The following ARL6 variants were observed in gnomAD, a reference collection of about 807,000 sequenced individuals.
ARL6 encodes the protein ARF like GTPase 6.
A neutral mutation model predicts 27.1 loss-of-function variants in ARL6; 18 were observed. The observed-to-expected ratio is 0.66, with a 90% CI of 0.46 to 0.98. ARL6 has a LOEUF of 0.98. Among genes scored for constraint, ARL6 ranks in the 50% least tolerant of loss-of-function variants. The probability of loss-of-function intolerance (pLI) is 0.00; values close to 1 mark genes in which losing one functional copy is unlikely to be tolerated. For missense variants in ARL6, 187 were observed against 214.9 expected (o/e 0.87, Z 0.81); for synonymous variants, 65 against 72.3 (o/e 0.90, Z 0.51).
chr3:97,770,631 TGTTTTCTCCTA>T (rs2036592093), intron 2 of ARL6, among the ~76,000 whole-genome samples: 1 of 152,110 alleles, frequency 6.6e-6, no homozygotes, highest in African/African-American at 2.4e-5. Flanking sequence ...ATTTTCCCTG[TGTTTTCTCCTA>T]GTACTTTGAT....
At chr3:97,768,810 C>G (rs2107981520) in intron 2 of ARL6, among the ~76,000 whole-genome samples, 1 of 152,134 alleles carries the variant, frequency 6.6e-6, no homozygotes, top group African/African-American at 2.4e-5. Flanking sequence ...CCTGCCTTAT[C>G]AGAAAAACTG....
intron 1 of ARL6, among the ~76,000 whole-genome samples, chr3:97,767,829 G>A (rs2036455950): frequency 6.6e-6 from 1 of 152,132 alleles, no homozygotes; most frequent in Non-Finnish European, 1.5e-5. Context: ...ATAAATTACA[G>A]AGAGAAATGT....
intron 7 of ARL6, among the ~76,000 whole-genome samples, chr3:97,797,099 T>C (rs1453852213): frequency 6.6e-6 from 1 of 152,100 alleles, no homozygotes; most frequent in Non-Finnish European, 1.5e-5. Context: ...AGGATATTAA[T>C]GGAGACCCTA....
intron 5 of ARL6, among the ~76,000 whole-genome samples, chr3:97,785,456 G>A (rs938088653): frequency 2.1e-5 from 3 of 139,888 alleles, no homozygotes; most frequent in African/African-American, 2.5e-5. Context: ...GTTTGTGTGT[G>A]TTTAATTACA....
At chr3:97,790,063 G>A (rs1181887771) in intron 6 of ARL6, among the ~76,000 whole-genome samples, 1 of 151,192 alleles carries the variant, frequency 6.6e-6, no homozygotes, top group Non-Finnish European at 1.5e-5. Context: ...GTGTGTGTGT[G>A]TGTGTGTGTG....
At chr3:97,766,803 A>G in intron 1 of ARL6, 1 of 152,216 alleles carries the variant, frequency 6.6e-6, no homozygotes, top group East Asian at 1.9e-4. Flanking sequence ...TAATGAGAAT[A>G]AAAACATTAG....
intron 6 of ARL6, chr3:97,791,470 G>A (rs1175992600): frequency 5.5e-6 from 2 of 360,456 alleles, no homozygotes; most frequent in African/African-American, 2.1e-5. Context: ...ATAGTGGGCT[G>A]TACAAAACTT....
At chr3:97,766,029 AT>A (rs1408684661) in intron 1 of ARL6, 1 of 152,210 alleles carries the variant, frequency 6.6e-6, no homozygotes, top group Non-Finnish European at 1.5e-5. Flanking sequence ...GTCCCAAAAT[AT>A]TTCATTAACA....
intron 4 of ARL6, among the ~76,000 whole-genome samples, chr3:97,780,999 G>A (rs1261526898): frequency 6.6e-6 from 1 of 151,968 alleles, no homozygotes; most frequent in Non-Finnish European, 1.5e-5. Context: ...AAGTTTCACT[G>A]TTCTGCCCAG....
intron 4 of ARL6, among the ~76,000 whole-genome samples, chr3:97,784,729 ATTTAC>A (rs1442335755): frequency 1.3e-5 from 2 of 151,880 alleles, no homozygotes; most frequent in Admixed American, 6.6e-5. Context: ...AAGTCATTAA[ATTTAC>A]TTTATTATCC....
intron 2 of ARL6, among the ~76,000 whole-genome samples, chr3:97,773,243 T>A (rs370621355): frequency 6.6e-6 from 1 of 152,208 alleles, no homozygotes; most frequent in Non-Finnish European, 1.5e-5. Context: ...AGACGTAGGC[T>A]GGGAGGCTAA....
At chr3:97,772,446 TA>T (rs2036681386) in intron 2 of ARL6, among the ~76,000 whole-genome samples, 1 of 152,030 alleles carries the variant, frequency 6.6e-6, no homozygotes, top group African/African-American at 2.4e-5. Flanking sequence ...CTCAATTTTA[TA>T]ATTTCAAAAA....
rs182630700 is a variant in ARL6 at position 97,764,925 on chromosome 3, C to G, written c.-80C>G. On this transcript the variant is annotated 5_prime_UTR_variant, in exon 1 of 8. Coordinates refer to ENST00000463745, the MANE Select transcript of ARL6 (RefSeq NM_001278293.3). ...TCCATCCCGGAGACCGATACGAGTG[C>G]GTCCATTCCTGTTGCCAGCTCCTGC... The G allele has an allele frequency of 7.2e-4, 109 of 152,294 alleles. No homozygotes were observed. The highest frequency in any genetic ancestry group is 2.4e-3 in the African/African-American group (101 of 41,560). The allele number at this position is 152,294 out of a possible 1,614,324, so 9.4% of individuals were successfully genotyped here.
chr3:97,779,036 T>C (rs2108026311), intron 2 of ARL6, among the ~76,000 whole-genome samples: 1 of 152,334 alleles, frequency 6.6e-6, no homozygotes. Context: ...CTAGGAGGCA[T>C]TTAACAAGTT....
At chr3:97,782,419 G>C (rs913592081) in intron 4 of ARL6, among the ~76,000 whole-genome samples, 4 of 151,816 alleles carry the variant, frequency 2.6e-5, no homozygotes, top group African/African-American at 9.7e-5. Flanking sequence ...TTACATTGTA[G>C]ATTGAATGGA....
At chr3:97,794,205 GTGTGTGTGTGTGTT>G (rs1340877209) in intron 7 of ARL6, among the ~76,000 whole-genome samples, 1,988 of 151,518 alleles carry the variant, frequency 0.013, 43 homozygotes, top group African/African-American at 0.046. Context: ...GTGTGTGTGT[GTGTGTGTGTGTGTT>G]TTTGAGATGG....
chr3:97,791,974 C>G (rs535192456), intron 7 of ARL6, 148 bp downstream of exon 7: 3 of 679,308 alleles, frequency 4.4e-6, no homozygotes, highest in Admixed American at 2.6e-5. Flanking sequence ...CAGTAAGTAT[C>G]CAATACCTTG....
Position 97,800,481 on chromosome 3 carries a change from GTTAAATAT to G in ARL6, c.*2443_*2450del, listed in dbSNP as rs1246717639. 4 of 152,028 alleles carry G rather than the reference GTTAAATAT, an allele frequency of 2.6e-5. No homozygotes were observed. The highest frequency in any genetic ancestry group is 9.7e-5 in the African/African-American group (4 of 41,390). 9.4% of individuals were successfully genotyped at this position (152,028 alleles called of 1,614,324 possible). ...ATGTTTGAAACTTATCCTCTTGTATGTTAAATATTTAAATATTTGTATATGGCCCTATT... is the reference window on the plus strand; with the variant it reads ...ATGTTTGAAACTTATCCTCTTGTATGTTAAATATTTGTATATGGCCCTATT... On this transcript the variant is annotated 3_prime_UTR_variant, in exon 8 of 8. Coordinates refer to ENST00000463745, the MANE Select transcript of ARL6 (RefSeq NM_001278293.3).
At chr3:97,784,803 T>A (rs879849241) in intron 4 of ARL6, 152 bp from the exon 5 acceptor site, 10 of 559,018 alleles carry the variant, frequency 1.8e-5, no homozygotes, top group Middle Eastern at 4.8e-4. Flanking sequence ...ATCAGTCATA[T>A]AAACTAATAA....
Sources: allele counts gnomAD v4.1 joint callset (sites outside exome capture counted in the v4.1 genomes callset), GRCh38; gene constraint gnomAD v4.1.1; transcripts MANE v1.5; gene names NCBI Gene and HGNC (gene_info 2026-07-23, HGNC 2026-07-21).